The following CPPED1 variants were observed in gnomAD, a reference collection of about 807,000 sequenced individuals.
CPPED1 encodes calcineurin like phosphoesterase domain containing 1.
Under a neutral mutation model 28.0 loss-of-function variants are expected in CPPED1, and 28 were observed. That is an observed-to-expected ratio of 1.00 (90% CI 0.74 to 1.37). The LOEUF (loss-of-function observed/expected upper bound fraction) is 1.37. CPPED1 is among the 40% of genes most tolerant of loss of function. The pLI is 0.00. For missense variants in CPPED1, 504 were observed against 416.5 expected (o/e 1.21, Z -1.83); for synonymous variants, 198 against 180.2 (o/e 1.10, Z -0.79).
Position 12,670,012 on chromosome 16 carries a change from G to A in CPPED1, c.716-4897C>T, listed in dbSNP as rs1336088905. Among the ~76,000 whole-genome samples the A allele has an allele frequency of 6.6e-6, 1 of 152,114 alleles. No individual in the cohort carries two copies. Among genetic ancestry groups the A allele is most frequent in the South Asian group, 2.1e-4 (1 of 4,818 alleles). On this transcript the variant is annotated intron_variant, in intron 3 of 3. Coordinates refer to ENST00000381774, the MANE Select transcript of CPPED1 (RefSeq NM_018340.3). This position sits in a 1 kb window ranked among gnomAD's most constrained non-coding sequence, Gnocchi z 4.2. ...CAACCCACAGTATAAAAAAATCCAC[G>A]AGGCGGCCAGGCACATTGACTCATG... is the stretch of plus-strand genomic sequence containing the variant.
chr16:12,800,605 C>T (rs1177865265), intron 1 of CPPED1, among the ~76,000 whole-genome samples: 6 of 152,178 alleles, frequency 3.9e-5, no homozygotes, highest in Admixed American at 3.9e-4. Context: ...TCTGATCATA[C>T]ATCCTTGCTT....
At position 12,707,320 on chromosome 16, in the gene CPPED1, T is replaced by C. The variant is rs142998493; in HGVS notation, c.290-2271A>G. Among the ~76,000 whole-genome samples the C allele has an allele frequency of 3.0e-3, 452 of 152,304 alleles. 2 individuals are homozygous for C. Among genetic ancestry groups the C allele is most frequent in the African/African-American group, 0.01 (432 of 41,562 alleles). ...AATCACTGACAATACTTCTTAGCAC[T>C]TCCTACAGGCCAGGCACTGTTCTCA... On this transcript the variant is annotated intron_variant, in intron 2 of 3. Transcript: ENST00000381774.
chr16:12,785,529 G>C, intron 1 of CPPED1, among the ~76,000 whole-genome samples: 1 of 150,752 alleles, frequency 6.6e-6, no homozygotes, highest in East Asian at 2.0e-4. Context: ...CCAAGCTCAA[G>C]TGATTCTCAT....
intron 2 of CPPED1, among the ~76,000 whole-genome samples, chr16:12,738,889 C>T (rs960189263): frequency 2.6e-5 from 4 of 152,132 alleles, no homozygotes; most frequent in Admixed American, 2.6e-4. Context: ...AGCAGCTAAA[C>T]CCTGGCAGGC....
At chr16:12,698,105 G>A (rs775269192) in intron 3 of CPPED1, among the ~76,000 whole-genome samples, 7 of 151,948 alleles carry the variant, frequency 4.6e-5, no homozygotes, top group East Asian at 1.9e-4. Flanking sequence ...GTGAGACTCT[G>A]ACCCCAACCC....
chr16:12,731,779 G>C (rs1246801729), intron 2 of CPPED1, among the ~76,000 whole-genome samples: 1 of 150,866 alleles, frequency 6.6e-6, no homozygotes, highest in Non-Finnish European at 1.5e-5. Context: ...AGGACCATTA[G>C]ATGTATGAGC....
chr16:12,750,757 G>A (rs540614984), intron 2 of CPPED1, among the ~76,000 whole-genome samples: 4 of 152,166 alleles, frequency 2.6e-5, no homozygotes, highest in South Asian at 2.1e-4. Context: ...GATCACTTGC[G>A]GTCAGGAGTT....
At chr16:12,782,121 G>A (rs1397775787) in intron 1 of CPPED1, among the ~76,000 whole-genome samples, 2 of 152,174 alleles carry the variant, frequency 1.3e-5, no homozygotes, top group East Asian at 1.9e-4. Flanking sequence ...TTGCTCTTCC[G>A]ACTGACTCTC....
At chr16:12,785,849 T>C (rs895981108) in intron 1 of CPPED1, among the ~76,000 whole-genome samples, 1 of 151,772 alleles carries the variant, frequency 6.6e-6, no homozygotes, top group Admixed American at 6.6e-5. Flanking sequence ...CTGGAAGCAC[T>C]CTTTTAGCAA....
chr16:12,781,762 C>G (rs1457220723), intron 1 of CPPED1, among the ~76,000 whole-genome samples: 3 of 152,078 alleles, frequency 2.0e-5, no homozygotes, highest in Admixed American at 2.0e-4. Flanking sequence ...ATAAAACTCC[C>G]CAAATTGAAT....
At position 12,682,554 on chromosome 16, in the gene CPPED1, A is replaced by C. The variant is rs1448286735; in HGVS notation, c.716-17439T>G. On this transcript the variant is annotated intron_variant, in intron 3 of 3. Transcript: ENST00000381774. The surrounding 1 kb of genome is among the most constrained non-coding windows in gnomAD (Gnocchi z 6.1). ...CAGTTCTGCTGTTGCTGAGCTGTGT[A>C]GGTGTGGCATGGGCAGCAACATATC... Among the ~76,000 whole-genome samples the C allele has an allele frequency of 6.6e-6, 1 of 152,150 alleles. No homozygotes were observed. Among genetic ancestry groups the C allele is most frequent in the Non-Finnish European group, 1.5e-5 (1 of 68,016 alleles).
At chr16:12,778,350 A>C (rs2080510444) in intron 2 of CPPED1, among the ~76,000 whole-genome samples, 1 of 132,012 alleles carries the variant, frequency 7.6e-6, no homozygotes, top group Admixed American at 9.0e-5. Context: ...AATCTTGCTC[A>C]TTGCAACCTC....
intron 2 of CPPED1, among the ~76,000 whole-genome samples, chr16:12,756,154 T>G (rs1220557256): frequency 6.7e-6 from 1 of 149,232 alleles, no homozygotes; most frequent in Non-Finnish European, 1.5e-5. Context: ...AAATCGGAAG[T>G]TGGTTCAGCT....
At position 12,682,241 on chromosome 16, in the gene CPPED1, G is replaced by A. The variant is rs1220774663; in HGVS notation, c.716-17126C>T. Among the ~76,000 whole-genome samples, 1 of 151,972 alleles carries A rather than the reference G, an allele frequency of 6.6e-6. No individual in the cohort carries two copies. Among genetic ancestry groups the A allele is most frequent in the Non-Finnish European group, 1.5e-5 (1 of 68,004 alleles). The stretch of plus-strand genomic sequence containing the variant: ...GTAGAGACAGGATTTTACGATGTTG[G>A]CCAGGCTGATCTCAAACTCCTGAAC... On this transcript the variant is annotated intron_variant, in intron 3 of 3. Transcript: ENST00000381774. The surrounding 1 kb of genome is among the most constrained non-coding windows in gnomAD (Gnocchi z 6.1).
chr16:12,786,857 A>G (rs1175093094), intron 1 of CPPED1, among the ~76,000 whole-genome samples: 2 of 152,198 alleles, frequency 1.3e-5, no homozygotes, highest in African/African-American at 4.8e-5. Flanking sequence ...GGTTGCAGTG[A>G]GCCGAGATCG....
intron 3 of CPPED1, among the ~76,000 whole-genome samples, chr16:12,693,111 T>A (rs957180375): frequency 6.6e-6 from 1 of 152,208 alleles, no homozygotes; most frequent in Admixed American, 6.5e-5. Flanking sequence ...GTGCTCAGTT[T>A]CCACACCTGT....
At chr16:12,710,368 T>G (rs1242324235) in intron 2 of CPPED1, among the ~76,000 whole-genome samples, 2 of 151,152 alleles carry the variant, frequency 1.3e-5, no homozygotes, top group African/African-American at 4.9e-5. Context: ...TTGTTTACTG[T>G]CAGGGAAAAG....
At position 12,715,458 on chromosome 16, in the gene CPPED1, G is replaced by A. The variant is rs571314275; in HGVS notation, c.290-10409C>T. Among the ~76,000 whole-genome samples, 30 of 152,172 alleles carry A rather than the reference G, an allele frequency of 2.0e-4. 1 individual carries two copies. Among genetic ancestry groups the A allele is most frequent in the Admixed American group, 1.1e-3 (17 of 15,284 alleles). On this transcript the variant is annotated intron_variant, in intron 2 of 3. Coordinates refer to ENST00000381774, the MANE Select transcript of CPPED1 (RefSeq NM_018340.3). ...GCAGATCACTTGAGGTCAAGAGTTC[G>A]AGACTAGCCTGGCCAACATGTTGAA...
At chr16:12,712,304 G>C (rs1417048976) in intron 2 of CPPED1, among the ~76,000 whole-genome samples, 2 of 152,124 alleles carry the variant, frequency 1.3e-5, no homozygotes, top group African/African-American at 4.8e-5. Context: ...GTCAAGCCAG[G>C]GCATCAACTA....
Sources: allele counts gnomAD v4.1 joint callset (sites outside exome capture counted in the v4.1 genomes callset), GRCh38; gene constraint gnomAD v4.1.1; non-coding constraint Gnocchi (gnomAD v3.1); transcripts MANE v1.5; gene names NCBI Gene and HGNC (gene_info 2026-07-23, HGNC 2026-07-21).